FOXN3: variants seen among roughly 807,000 people sequenced by gnomAD.
The protein encoded by FOXN3 is forkhead box protein N3.
Under a neutral mutation model 38.4 loss-of-function variants are expected in FOXN3, and 7 were observed. The ratio of observed to expected loss-of-function variants is 0.18; its 90% CI spans 0.10 to 0.34. The LOEUF is 0.34. FOXN3 is among the 10% of genes least tolerant of loss of function. The probability of loss-of-function intolerance (pLI) is 1.00; values close to 1 mark genes in which losing one functional copy is unlikely to be tolerated. For synonymous variants in FOXN3, 230 were observed against 242.2 expected, an observed-to-expected ratio of 0.95 and a Z score of 0.47; for missense variants, 456 against 613.4, an observed-to-expected ratio of 0.74 and a Z score of 2.71.
At chr14:89,401,779 C>T (rs1044560014) in intron 2 of FOXN3, 3 of 401,694 alleles carry the variant, frequency 7.5e-6, no homozygotes, top group Admixed American at 5.7e-5. Context: ...CAGTCACAGC[C>T]TTCTATGAAG....
intron 1 of FOXN3, among the ~76,000 whole-genome samples, chr14:89,425,028 C>CT (rs929691261): frequency 7.1e-6 from 1 of 141,176 alleles, no homozygotes. Context: ...GTACAGCTGA[C>CT]TTTTTTTTGT....
At position 89,545,852 on chromosome 14, in the gene FOXN3, C is replaced by T. The variant is rs182431935; in HGVS notation, c.-15+73176G>A. On this transcript the variant is annotated intron_variant, in intron 1 of 6. Transcript: ENST00000345097. ...GAAATCCTTTGCTGAGCCACTGCTC[C>T]CCAAACTAACCTTTCCCTGTTACCT... Among the ~76,000 whole-genome samples, 6 of 152,244 alleles carry T rather than the reference C, an allele frequency of 3.9e-5. No individual in the cohort carries two copies. In the East Asian group the frequency reaches 9.7e-4, roughly 25 times the overall value.
chr14:89,241,016 C>T (rs901017255), intron 4 of FOXN3, among the ~76,000 whole-genome samples: 1 of 152,108 alleles, frequency 6.6e-6, no homozygotes, highest in Non-Finnish European at 1.5e-5. Context: ...AAAACTGCAC[C>T]CACTTCCCAG....
chr14:89,215,743 T>C (rs558885452), intron 4 of FOXN3, among the ~76,000 whole-genome samples: 3 of 152,342 alleles, frequency 2.0e-5, no homozygotes, highest in South Asian at 4.1e-4. Context: ...TTCTGCAGTG[T>C]GGCAGTCAGG....
chr14:89,202,719 C>T (rs959548325), intron 4 of FOXN3, among the ~76,000 whole-genome samples: 19 of 152,206 alleles, frequency 1.2e-4, no homozygotes, highest in Non-Finnish European at 2.5e-4. Flanking sequence ...CCATCTCTCT[C>T]GTGCTTTCCC....
At chr14:89,297,300 G>C (rs147047279) in intron 3 of FOXN3, among the ~76,000 whole-genome samples, 8,884 of 151,878 alleles carry the variant, frequency 0.058, 406 homozygotes, top group Non-Finnish European at 0.081. Context: ...CGGTGGCTCA[G>C]GCCTGTAATC....
intron 3 of FOXN3, among the ~76,000 whole-genome samples, chr14:89,288,648 AAGGCTGTAAT>A (rs202194973): frequency 7.9e-5 from 2 of 25,228 alleles, no homozygotes; most frequent in Admixed American, 1.5e-3. Flanking sequence ...ACATACTCCA[AAGGCTGTAAT>A]AGGCACTCTC....
rs12050268 is a variant in FOXN3, at chr14:89,556,455, T to C, written c.-15+62573A>G. ...AGACTCACTATGTGCCTCATCAATG[T>C]ATTAACCTATTCTCACTGGGTAGGC... is the stretch of plus-strand genomic sequence containing the variant. On this transcript the variant is annotated intron_variant, in intron 1 of 6. Coordinates refer to the FOXN3 transcript ENST00000345097. 2.9e-3 allele frequency among the ~76,000 whole-genome samples: 438 copies of C among 151,276 alleles called. 24 individuals are homozygous for C. In the East Asian group the frequency reaches 0.065, roughly 23 times the overall value.
chr14:89,484,308 A>T lies in FOXN3; in HGVS notation c.-14-71818T>A, dbSNP rs1893399987. Reference sequence around the variant, plus strand: ...CCAGGAGTTGGTAAGCTTTTCCCATAAAAGACCATAGGGTAAATATTTCAT... The same window carrying T: ...CCAGGAGTTGGTAAGCTTTTCCCATTAAAGACCATAGGGTAAATATTTCAT... On this transcript the variant is annotated intron_variant, in intron 1 of 6. Transcript: ENST00000345097. The surrounding 1 kb of genome is among the most constrained non-coding windows in gnomAD (Gnocchi z 4.0). 6.6e-6 allele frequency among the ~76,000 whole-genome samples: 1 copy of T among 152,216 alleles called. No individual in the cohort carries two copies. The highest frequency in any genetic ancestry group is 2.1e-4 in the South Asian group (1 of 4,836).
At chr14:89,400,051 G>A (rs561963568) in intron 2 of FOXN3, 8 of 152,294 alleles carry the variant, frequency 5.3e-5, no homozygotes, top group South Asian at 4.1e-4. Context: ...TCAGAGATGC[G>A]GCTGCCCCAA....
At chr14:89,317,689 T>C (rs1226334425) in intron 3 of FOXN3, among the ~76,000 whole-genome samples, 4 of 151,992 alleles carry the variant, frequency 2.6e-5, no homozygotes, top group Non-Finnish European at 4.4e-5. Flanking sequence ...ATTGCAACAA[T>C]TGAACCTACC....
intron 1 of FOXN3, among the ~76,000 whole-genome samples, chr14:89,600,465 T>A (rs1413075477): frequency 6.6e-6 from 1 of 152,208 alleles, no homozygotes; most frequent in East Asian, 1.9e-4. Flanking sequence ...CCTTCTAATC[T>A]CCTTTAGGGA....
At chr14:89,509,970 G>C (rs1894023022) in intron 1 of FOXN3, among the ~76,000 whole-genome samples, 1 of 152,164 alleles carries the variant, frequency 6.6e-6, no homozygotes, top group African/African-American at 2.4e-5. Context: ...CCATGAAGAA[G>C]GGCATGTTCC....
chr14:89,560,995 G>A (rs1414261446), intron 1 of FOXN3, among the ~76,000 whole-genome samples: 1 of 152,232 alleles, frequency 6.6e-6, no homozygotes, highest in Non-Finnish European at 1.5e-5. Context: ...AGGTAAGGGA[G>A]TTTGGATGCC....
intron 1 of FOXN3, among the ~76,000 whole-genome samples, chr14:89,493,514 A>G (rs144100753): frequency 1.3e-5 from 2 of 152,210 alleles, no homozygotes; most frequent in Non-Finnish European, 2.9e-5. Flanking sequence ...TAAGGTTACA[A>G]TGTGGCAGCA....
intron 4 of FOXN3, chr14:89,190,490 G>A (rs1270970415): frequency 1.3e-6 from 2 of 1,530,990 alleles, no homozygotes; most frequent in Non-Finnish European, 1.8e-6. Context: ...TTACAACGGG[G>A]CCGGTGTGTG....
At chr14:89,583,637 T>C (rs1895789027) in intron 1 of FOXN3, among the ~76,000 whole-genome samples, 1 of 152,206 alleles carries the variant, frequency 6.6e-6, no homozygotes, top group African/African-American at 2.4e-5. Context: ...CTCATCTCAC[T>C]ACAACCTCTG....
intron 1 of FOXN3, among the ~76,000 whole-genome samples, chr14:89,432,665 C>T (rs868504789): frequency 6.6e-6 from 1 of 152,146 alleles, no homozygotes. Context: ...CCACTGCTCT[C>T]ACCTGTCTAT....
chr14:89,156,751 C>T lies in FOXN3; in HGVS notation c.*5663G>A, dbSNP rs539153797. 1 of 152,132 alleles carries T rather than the reference C, an allele frequency of 6.6e-6. No homozygotes were observed. Among genetic ancestry groups the T allele is most frequent in the Admixed American group, 6.5e-5 (1 of 15,286 alleles). The allele number at this position is 152,132 out of a possible 1,614,324, so 9.4% of individuals were successfully genotyped here. On this transcript the variant is annotated 3_prime_UTR_variant, in exon 6 of 6. Coordinates refer to ENST00000557258, the MANE Select transcript of FOXN3 (RefSeq NM_005197.4). ...CACACATGGATACATTTTTCCTCCA[C>T]ATTTTCACCATGGCAGTATTAAGTA...
Sources: allele counts gnomAD v4.1 joint callset (sites outside exome capture counted in the v4.1 genomes callset), GRCh38; gene constraint gnomAD v4.1.1; non-coding constraint Gnocchi (gnomAD v3.1); transcripts MANE v1.5; gene names NCBI Gene and HGNC (gene_info 2026-07-23, HGNC 2026-07-21).